ELP4: variants seen among roughly 807,000 people sequenced by gnomAD.
ELP4 encodes the protein elongator acetyltransferase complex subunit 4.
Under a neutral mutation model 48.9 loss-of-function variants are expected in ELP4, and 51 were observed. That is an observed-to-expected ratio of 1.04 (90% CI 0.83 to 1.32). ELP4 has a LOEUF of 1.32. Among genes scored for constraint, ELP4 ranks in the 40% most tolerant of loss-of-function variants. ELP4 has a pLI of 0.00. For missense variants in ELP4, 519 were observed against 514.6 expected (o/e 1.01, Z -0.08); for synonymous variants, 210 against 189.2 (o/e 1.11, Z -0.90).
intron 5 of ELP4, among the ~76,000 whole-genome samples, chr11:31,618,984 G>A (rs1238757050): frequency 6.6e-6 from 1 of 152,014 alleles, no homozygotes; most frequent in Non-Finnish European, 1.5e-5. Flanking sequence ...TGGATGGGAT[G>A]GGGGTGGTCA....
At chr11:31,776,148 C>A (rs1948242329) in intron 9 of ELP4, among the ~76,000 whole-genome samples, 1 of 104,696 alleles carries the variant, frequency 9.6e-6, no homozygotes, top group African/African-American at 3.6e-5. Context: ...GAGACCCTAT[C>A]TCACAAAAAA....
chr11:31,548,453 G>C (rs953106402), intron 3 of ELP4, among the ~76,000 whole-genome samples: 1 of 151,852 alleles, frequency 6.6e-6, no homozygotes, highest in African/African-American at 2.4e-5. Context: ...TCTTCAAGGA[G>C]AACTACAAAC....
chr11:31,566,126 G>A (rs1345313378), intron 3 of ELP4, among the ~76,000 whole-genome samples: 1 of 152,110 alleles, frequency 6.6e-6, no homozygotes. Flanking sequence ...GGATGATCAA[G>A]GCGGTTAGAT....
chr11:31,669,578 T>C (rs1189619996), intron 9 of ELP4, among the ~76,000 whole-genome samples: 2 of 152,186 alleles, frequency 1.3e-5, no homozygotes, highest in Non-Finnish European at 2.9e-5. Flanking sequence ...TATTTTAATT[T>C]CCTGTTTCTT....
intron 9 of ELP4, chr11:31,662,741 G>T (rs1395439592): frequency 7.6e-6 from 3 of 392,170 alleles, no homozygotes; most frequent in Non-Finnish European, 1.4e-5. Context: ...CATTTGCTGT[G>T]TAATTTGCAC....
intron 9 of ELP4, among the ~76,000 whole-genome samples, chr11:31,719,281 AAG>A (rs1450288647): frequency 1.3e-5 from 2 of 152,050 alleles, no homozygotes; most frequent in Non-Finnish European, 2.9e-5. Flanking sequence ...AAAGAAAGAA[AAG>A]AAAATCTGTA....
chr11:31,531,404 T>A (rs1401317238), intron 2 of ELP4, among the ~76,000 whole-genome samples: 1 of 152,204 alleles, frequency 6.6e-6, no homozygotes, highest in East Asian at 1.9e-4. Flanking sequence ...ATGGAGGAAT[T>A]TCAGGAATGT....
chr11:31,695,888 A>G (rs1185297867), intron 9 of ELP4, among the ~76,000 whole-genome samples: 1 of 151,230 alleles, frequency 6.6e-6, no homozygotes, highest in Admixed American at 6.6e-5. Flanking sequence ...TTCTTGGTTT[A>G]GTCTTGAGAG....
At chr11:31,510,311 A>T (rs534479843) in intron 1 of ELP4, 2 of 518,136 alleles carry the variant, frequency 3.9e-6, no homozygotes, top group Admixed American at 6.5e-5. Flanking sequence ...AAGGGAAGAC[A>T]TTAATTTATG....
chr11:31,750,457 T>G (rs534142113), intron 9 of ELP4, among the ~76,000 whole-genome samples: 1 of 152,216 alleles, frequency 6.6e-6, no homozygotes, highest in African/African-American at 2.4e-5. Flanking sequence ...CTCTTCCCTG[T>G]CACGGTGGTC....
rs1413776549 is a variant in ELP4, at chr11:31,784,052, T to A, written c.*528T>A. ...TAATATTTTGGGATTTAGATTCCACTAGAGATAATTAGTCTACCATAGTAG... is the reference window on the plus strand; with the variant it reads ...TAATATTTTGGGATTTAGATTCCACAAGAGATAATTAGTCTACCATAGTAG... On this transcript the variant is annotated 3_prime_UTR_variant, in exon 10 of 10. Coordinates refer to ENST00000640961, the MANE Select transcript of ELP4 (RefSeq NM_019040.5). 6.6e-6 allele frequency: 1 copy of A among 152,266 alleles called. No homozygotes were observed. Among genetic ancestry groups the A allele is most frequent in the Non-Finnish European group, 1.5e-5 (1 of 68,070 alleles). The allele number at this position is 152,266 out of a possible 1,614,324, so 9.4% of individuals were successfully genotyped here. A position where few individuals can be genotyped will look rare whatever the true frequency, so the allele number is the denominator to read the frequency against.
intron 9 of ELP4, among the ~76,000 whole-genome samples, chr11:31,685,010 C>G (rs867681812): frequency 6.6e-6 from 1 of 152,236 alleles, no homozygotes; most frequent in South Asian, 2.1e-4. Context: ...AGACATAATA[C>G]TGAAAACCTT....
At chr11:31,608,152 G>A (rs1957908211) in intron 5 of ELP4, among the ~76,000 whole-genome samples, 1 of 151,956 alleles carries the variant, frequency 6.6e-6, no homozygotes, top group Non-Finnish European at 1.5e-5. Flanking sequence ...ATATATGACA[G>A]TTTGAGGTTA....
chr11:31,597,103 C>T lies in ELP4; in HGVS notation c.513+2202C>T, dbSNP rs113484506. On this transcript the variant is annotated intron_variant, in intron 4 of 9. Coordinates refer to ENST00000640961, the MANE Select transcript of ELP4 (RefSeq NM_019040.5). Reference sequence around the variant, plus strand: ...ATTTTGGTAGTAACCTTCACGATTACAAAAACATATATTCTTTGATTCTTT... The same window carrying T: ...ATTTTGGTAGTAACCTTCACGATTATAAAAACATATATTCTTTGATTCTTT... Among the ~76,000 whole-genome samples, 590 of 152,146 alleles carry T rather than the reference C, an allele frequency of 3.9e-3. 6 individuals are homozygous for T. Among genetic ancestry groups the T allele is most frequent in the African/African-American group, 0.014 (563 of 41,518 alleles).
At chr11:31,590,884 C>T (rs774087900) in intron 3 of ELP4, among the ~76,000 whole-genome samples, 1 of 152,166 alleles carries the variant, frequency 6.6e-6, no homozygotes, top group South Asian at 2.1e-4. Context: ...CACCTTCCAC[C>T]AGGTCCCACC....
chr11:31,787,745 T>G lies in ELP4; in HGVS notation c.*4221T>G, dbSNP rs1424825712. On this transcript the variant is annotated 3_prime_UTR_variant, in exon 10 of 10. Transcript: ENST00000640961. ...GTCTCCAAATGTGCAGCAACTCTGG[T>G]GGAATAAAATTATTAGTATATTTCA... The G allele has an allele frequency of 8.7e-6, 2 of 229,148 alleles. No individual in the cohort carries two copies. The highest frequency in any genetic ancestry group is 2.2e-5 in the African/African-American group (1 of 45,150). 14.2% of individuals were successfully genotyped at this position (229,148 alleles called of 1,614,324 possible).
intron 3 of ELP4, among the ~76,000 whole-genome samples, chr11:31,590,402 G>GTA: frequency 6.6e-6 from 1 of 152,150 alleles, no homozygotes; most frequent in East Asian, 1.9e-4. Context: ...ACCTCACACA[G>GTA]TATATAAAAA....
intron 9 of ELP4, chr11:31,719,866 T>C (rs1946922648): frequency 5.7e-6 from 1 of 175,664 alleles, no homozygotes; most frequent in Admixed American, 6.2e-5. Flanking sequence ...AAAGCAAGTG[T>C]AGAGAACGGT....
At chr11:31,740,717 G>A (rs187033807) in intron 9 of ELP4, among the ~76,000 whole-genome samples, 8 of 152,210 alleles carry the variant, frequency 5.3e-5, no homozygotes, top group African/African-American at 1.9e-4. Flanking sequence ...CAGAATTTGA[G>A]GTTGATGATC....
Sources: allele counts gnomAD v4.1 joint callset (sites outside exome capture counted in the v4.1 genomes callset), GRCh38; gene constraint gnomAD v4.1.1; transcripts MANE v1.5; gene names NCBI Gene and HGNC (gene_info 2026-07-23, HGNC 2026-07-21).